Variants in LRRTM4 observed in about 807,000 individuals in gnomAD.
LRRTM4 encodes leucine rich repeat transmembrane neuronal 4.
Under a neutral mutation model 47.6 loss-of-function variants are expected in LRRTM4, and 25 were observed. That is an observed-to-expected ratio of 0.53 (90% confidence interval 0.38 to 0.73). The LOEUF (loss-of-function observed/expected upper bound fraction) is 0.73. Among genes scored for constraint, LRRTM4 ranks in the 30% least tolerant of loss-of-function variants. The pLI, the probability that LRRTM4 is intolerant of heterozygous loss-of-function variation, is 0.00. For missense variants in LRRTM4, 638 were observed against 713.4 expected (o/e 0.89, Z 1.20); for synonymous variants, 311 against 269.5 (o/e 1.15, Z -1.51).
rs112762577 is a variant in LRRTM4 at position 77,255,991 on chromosome 2, G to A, written c.1551+262327C>T. 6.3e-3 allele frequency among the ~76,000 whole-genome samples: 957 copies of A among 152,092 alleles called. 11 individuals are homozygous for A. Among genetic ancestry groups the A allele is most frequent in the African/African-American group, 0.021 (874 of 41,504 alleles). ...TCAATGTAACAAAATTTGGTTCTTT[G>A]AGAAAACTGATAAAATTGATAAACC... On this transcript the variant is annotated intron_variant, in intron 3 of 3. Coordinates refer to ENST00000409884, the MANE Select transcript of LRRTM4 (RefSeq NM_001134745.3).
chr2:76,925,629 C>G (rs996742682), intron 3 of LRRTM4, among the ~76,000 whole-genome samples: 1 of 152,082 alleles, frequency 6.6e-6, no homozygotes. Flanking sequence ...CATATTCATG[C>G]ATTTCTTAAC....
At chr2:77,363,333 G>A (rs1253814482) in intron 3 of LRRTM4, among the ~76,000 whole-genome samples, 1 of 152,098 alleles carries the variant, frequency 6.6e-6, no homozygotes, top group Non-Finnish European at 1.5e-5. Context: ...AGGAGGTAAG[G>A]AAAACAATAA....
chr2:77,000,947 A>G (rs1466579493), intron 3 of LRRTM4, among the ~76,000 whole-genome samples: 1 of 152,144 alleles, frequency 6.6e-6, no homozygotes, highest in African/African-American at 2.4e-5. Context: ...TTTTATTTCA[A>G]AAGAAGCTAC....
intron 3 of LRRTM4, among the ~76,000 whole-genome samples, chr2:77,451,511 A>C (rs1010605402): frequency 6.6e-6 from 1 of 152,146 alleles, no homozygotes; most frequent in African/African-American, 2.4e-5. Flanking sequence ...TGTGTGGAAA[A>C]CACTTCTGTG....
At chr2:77,509,580 C>A (rs913323400) in intron 3 of LRRTM4, among the ~76,000 whole-genome samples, 4 of 152,130 alleles carry the variant, frequency 2.6e-5, no homozygotes, top group Middle Eastern at 3.4e-3. Context: ...AGTATTATAA[C>A]CATCATCATA....
In LRRTM4 at chr2:77,414,998, A is replaced by G. The variant is rs116378123; in HGVS notation, c.1551+103320T>C. On this transcript the variant is annotated intron_variant, in intron 3 of 3. Coordinates refer to ENST00000409884, the MANE Select transcript of LRRTM4 (RefSeq NM_001134745.3). ...GCCTCTAATGTCCTACTGAAATCTAATCATTCCAAAATAGCCTTTTGAAAG... is the reference window on the plus strand; with the variant it reads ...GCCTCTAATGTCCTACTGAAATCTAGTCATTCCAAAATAGCCTTTTGAAAG... Among the ~76,000 whole-genome samples the G allele has an allele frequency of 5.6e-3, 846 of 152,304 alleles. 10 individuals carry two copies. Among genetic ancestry groups the G allele is most frequent in the African/African-American group, 0.019 (801 of 41,568 alleles).
intron 3 of LRRTM4, among the ~76,000 whole-genome samples, chr2:76,756,469 T>G (rs1467845686): frequency 6.6e-6 from 1 of 152,174 alleles, no homozygotes; most frequent in African/African-American, 2.4e-5. Context: ...CAGGCTGTGC[T>G]CTCTCATATT....
intron 3 of LRRTM4, among the ~76,000 whole-genome samples, chr2:77,147,109 C>G (rs1426593969): frequency 1.3e-5 from 2 of 152,022 alleles, no homozygotes; most frequent in East Asian, 1.9e-4. Flanking sequence ...TTTTTTTCTA[C>G]TTGTATATTT....
chr2:76,932,175 G>C (rs1674791687), intron 3 of LRRTM4, among the ~76,000 whole-genome samples: 1 of 152,080 alleles, frequency 6.6e-6, no homozygotes, highest in Non-Finnish European at 1.5e-5. Context: ...ATATCCAGAT[G>C]TGATCACCTC....
At chr2:77,102,918 T>C (rs1572964612) in intron 3 of LRRTM4, among the ~76,000 whole-genome samples, 2 of 152,164 alleles carry the variant, frequency 1.3e-5, no homozygotes, top group African/African-American at 4.8e-5. Flanking sequence ...AATAAAAAGA[T>C]TGAGGTGAGT....
At chr2:76,751,118 T>C (rs1212075736) in intron 3 of LRRTM4, among the ~76,000 whole-genome samples, 2 of 152,164 alleles carry the variant, frequency 1.3e-5, no homozygotes, top group Non-Finnish European at 1.5e-5. Flanking sequence ...ACCATGTTTT[T>C]GAAAAAATAC....
At chr2:77,419,055 C>G (rs1289476372) in intron 3 of LRRTM4, among the ~76,000 whole-genome samples, 1 of 152,134 alleles carries the variant, frequency 6.6e-6, no homozygotes, top group East Asian at 1.9e-4. Context: ...TCTTTATTTA[C>G]TCATATATAT....
intron 3 of LRRTM4, among the ~76,000 whole-genome samples, chr2:77,075,786 G>T (rs1395624130): frequency 1.3e-5 from 2 of 148,154 alleles, no homozygotes; most frequent in African/African-American, 2.5e-5. Flanking sequence ...GTAGTGGCGG[G>T]CGCCTGTAGT....
At chr2:77,436,803 G>T (rs1031407519) in intron 3 of LRRTM4, among the ~76,000 whole-genome samples, 1 of 151,822 alleles carries the variant, frequency 6.6e-6, no homozygotes, top group Admixed American at 6.6e-5. Flanking sequence ...AAAAGGCAAT[G>T]TTTTATTGGT....
chr2:77,407,369 T>C (rs994213492), intron 3 of LRRTM4, among the ~76,000 whole-genome samples: 5 of 151,858 alleles, frequency 3.3e-5, no homozygotes, highest in African/African-American at 7.3e-5. Flanking sequence ...ATTAAAATTT[T>C]GAGAGCTGCT....
At chr2:76,870,134 C>A (rs1422876946) in intron 3 of LRRTM4, among the ~76,000 whole-genome samples, 2 of 152,100 alleles carry the variant, frequency 1.3e-5, no homozygotes, top group Non-Finnish European at 2.9e-5. Flanking sequence ...TATTTCTCAC[C>A]AGAAAGACAG....
At chr2:77,410,894 A>C (rs772001310) in intron 3 of LRRTM4, among the ~76,000 whole-genome samples, 3 of 152,184 alleles carry the variant, frequency 2.0e-5, no homozygotes, top group Admixed American at 6.5e-5. Flanking sequence ...CAAGTTAACT[A>C]TCTTGGGCTC....
intron 3 of LRRTM4, among the ~76,000 whole-genome samples, chr2:76,850,072 C>G (rs1671946928): frequency 6.6e-6 from 1 of 152,048 alleles, no homozygotes; most frequent in South Asian, 2.1e-4. Flanking sequence ...ATTTTGAACC[C>G]TCTACCATTT....
At chr2:77,185,984 A>G (rs927215916) in intron 3 of LRRTM4, among the ~76,000 whole-genome samples, 7 of 152,188 alleles carry the variant, frequency 4.6e-5, no homozygotes, top group African/African-American at 2.4e-5. Context: ...GCATGTAGTA[A>G]TTAATAGATG....
Sources: gnomAD v4.1 joint callset for allele counts (sites outside exome capture counted in the v4.1 genomes callset) on GRCh38, gnomAD v4.1.1 for gene constraint, MANE v1.5 for transcripts, NCBI Gene and HGNC (gene_info 2026-07-23, HGNC 2026-07-21) for gene names.